Variants in TYW1B observed in about 807,000 individuals in gnomAD.
TYW1B encodes S-adenosyl-L-methionine-dependent tRNA 4-demethylwyosine synthase TYW1B.
Under a neutral mutation model 86.9 loss-of-function variants are expected in TYW1B, and 73 were observed. That is an observed-to-expected ratio of 0.84 (90% CI 0.70 to 1.02). The LOEUF (loss-of-function observed/expected upper bound fraction) is 1.02, where lower values mean the gene tolerates loss of function less well. Ranked by LOEUF, TYW1B falls within the 50% of genes least tolerant of loss-of-function variation. The probability of loss-of-function intolerance (pLI) is 0.00; values close to 1 mark genes in which losing one functional copy is unlikely to be tolerated. For missense variants in TYW1B, 637 were observed against 827.4 expected, an observed-to-expected ratio of 0.77 and a Z score of 2.82; for synonymous variants, 248 against 292.8, an observed-to-expected ratio of 0.85 and a Z score of 1.56.
At chr7:72,681,282 C>G (rs1310176014) in intron 11 of TYW1B, among the ~76,000 whole-genome samples, 1 of 152,242 alleles carries the variant, frequency 6.6e-6, no homozygotes, top group Non-Finnish European at 1.5e-5. Flanking sequence ...ATGTGTCAGT[C>G]ACCGTGTTAA....
intron 8 of TYW1B, among the ~76,000 whole-genome samples, chr7:72,734,268 A>AAAAAAAAAAAAAAAG (rs56806378): frequency 1.0e-5 from 1 of 98,092 alleles, no homozygotes; most frequent in Admixed American, 1.2e-4. Context: ...AAAAAAAAAA[A>AAAAAAAAAAAAAAAG]ACACAACAAA....
intron 12 of TYW1B, among the ~76,000 whole-genome samples, chr7:72,619,289 C>T (rs1291701551): frequency 2.0e-5 from 3 of 152,162 alleles, no homozygotes; most frequent in Non-Finnish European, 4.4e-5. Flanking sequence ...CAGTGAGCCC[C>T]TTTTGCTCAG....
intron 7 of TYW1B, among the ~76,000 whole-genome samples, chr7:72,756,579 A>C (rs1444740479): frequency 6.6e-6 from 1 of 152,044 alleles, no homozygotes; most frequent in Non-Finnish European, 1.5e-5. Flanking sequence ...AAAGAGACTG[A>C]GTTTTGTATG....
intron 9 of TYW1B, among the ~76,000 whole-genome samples, chr7:72,725,185 A>G (rs1433549078): frequency 1.3e-5 from 2 of 152,204 alleles, no homozygotes; most frequent in Non-Finnish European, 2.9e-5. Context: ...TATTCATTAC[A>G]TATTTCCATT....
intron 6 of TYW1B, among the ~76,000 whole-genome samples, chr7:72,799,548 C>T (rs1554475245): frequency 6.6e-6 from 1 of 151,738 alleles, no homozygotes; most frequent in Non-Finnish European, 1.5e-5. Context: ...TCACTACAAG[C>T]TCTGCCTCCC....
At chr7:72,706,728 A>T (rs1176979232) in intron 10 of TYW1B, among the ~76,000 whole-genome samples, 1 of 152,198 alleles carries the variant, frequency 6.6e-6, no homozygotes, top group Non-Finnish European at 1.5e-5. Flanking sequence ...AGTGTGGGAA[A>T]CTGAAAACCA....
intron 7 of TYW1B, among the ~76,000 whole-genome samples, chr7:72,772,218 A>T (rs1416764858): frequency 2.0e-5 from 3 of 152,052 alleles, no homozygotes; most frequent in African/African-American, 7.2e-5. Context: ...CAGATCTCAT[A>T]GGTAAAAACT....
chr7:72,825,269 C>A (rs2867755), intron 2 of TYW1B, among the ~76,000 whole-genome samples: 4 of 152,244 alleles, frequency 2.6e-5, no homozygotes, highest in East Asian at 3.9e-4. Context: ...CTGTTCCCCC[C>A]CAAAAAAGAG....
intron 11 of TYW1B, among the ~76,000 whole-genome samples, chr7:72,668,512 G>C (rs1352425927): frequency 6.6e-6 from 1 of 151,536 alleles, no homozygotes; most frequent in African/African-American, 2.4e-5. Context: ...TGAAGGCCGA[G>C]AAAACTCCTT....
chr7:72,748,369 G>C (rs1371156231), intron 7 of TYW1B, among the ~76,000 whole-genome samples: 2 of 152,076 alleles, frequency 1.3e-5, no homozygotes, highest in Non-Finnish European at 2.9e-5. Flanking sequence ...TCATTTCCTT[G>C]AGATTTTCTA....
intron 11 of TYW1B, among the ~76,000 whole-genome samples, chr7:72,686,543 G>A (rs1166574990): frequency 1.3e-5 from 2 of 152,174 alleles, no homozygotes; most frequent in Non-Finnish European, 2.9e-5. Context: ...ATGGTTGCCA[G>A]GGATGAGGGA....
intron 7 of TYW1B, among the ~76,000 whole-genome samples, chr7:72,754,253 C>T (rs1216911087): frequency 2.6e-5 from 4 of 152,026 alleles, no homozygotes; most frequent in African/African-American, 4.8e-5. Context: ...AATTCTTCTG[C>T]CTCAGCCTCC....
intron 11 of TYW1B, among the ~76,000 whole-genome samples, chr7:72,630,766 G>A (rs533080122): frequency 6.6e-6 from 1 of 151,804 alleles, no homozygotes; most frequent in Non-Finnish European, 1.5e-5. Context: ...AAATCTTCCA[G>A]ATTCCCTTTA....
chr7:72,611,243 G>A (rs1431753414), intron 13 of TYW1B, among the ~76,000 whole-genome samples: 1 of 152,088 alleles, frequency 6.6e-6, no homozygotes, highest in Non-Finnish European at 1.5e-5. Context: ...TCATAGCTCT[G>A]ATTACACTTC....
chr7:72,598,557 T>C (rs1811587671), intron 13 of TYW1B, among the ~76,000 whole-genome samples: 1 of 152,194 alleles, frequency 6.6e-6, no homozygotes, highest in South Asian at 2.1e-4. Flanking sequence ...AGCAGGTTTA[T>C]GTAGAAGAAG....
chr7:72,757,355 G>A lies in TYW1B; in HGVS notation c.965-12754C>T, dbSNP rs150931350. On this transcript the variant is annotated intron_variant, in intron 7 of 13. Transcript: ENST00000620995. Reference sequence around the variant, plus strand: ...TGCACTACAGCCTGGGTGACAGAGCGAGACTCCGTCTATGGAAAAAAAAAA... The same window carrying A: ...TGCACTACAGCCTGGGTGACAGAGCAAGACTCCGTCTATGGAAAAAAAAAA... Among the ~76,000 whole-genome samples the A allele has an allele frequency of 1.7e-3, 232 of 138,872 alleles. 1 individual carries two copies. The highest frequency in any genetic ancestry group is 5.6e-3 in the African/African-American group (210 of 37,752). 91.1% of individuals were successfully genotyped at this position (138,872 alleles called of 152,430 possible). A position where few individuals can be genotyped will look rare whatever the true frequency, so the allele number is the denominator to read the frequency against.
At position 72,810,354 on chromosome 7, in the gene TYW1B, A is replaced by G. The variant is rs1788581925; in HGVS notation, c.432+117T>C. The G allele has an allele frequency of 2.9e-5, 29 of 997,750 alleles. 2 individuals are homozygous for G. The South Asian group carries it at 5.4e-4, about 19-fold the overall frequency. The allele number at this position is 997,750 out of a possible 1,614,324, so 61.8% of individuals were successfully genotyped here. Reference sequence around the variant, plus strand: ...AAAGTTTGTGGATTATTTCACATACATGTGTGTTTATGTGTGTGTACGTGT... The same window carrying G: ...AAAGTTTGTGGATTATTTCACATACGTGTGTGTTTATGTGTGTGTACGTGT... On this transcript the variant is annotated intron_variant, in intron 4 of 13. Transcript: ENST00000620995.
chr7:72,769,067 G>T (rs1585970013), intron 7 of TYW1B: 1 of 377,790 alleles, frequency 2.6e-6, no homozygotes, highest in Non-Finnish European at 5.1e-6. Context: ...ATGGTGCAAG[G>T]AACACGGAGG....
intron 12 of TYW1B, among the ~76,000 whole-genome samples, chr7:72,618,285 C>T (rs1196022332): frequency 1.5e-5 from 2 of 132,772 alleles, no homozygotes; most frequent in African/African-American, 5.8e-5. Flanking sequence ...GGCCTGATCT[C>T]GGCTCACTGC....
Sources: allele counts gnomAD v4.1 joint callset (sites outside exome capture counted in the v4.1 genomes callset), GRCh38; gene constraint gnomAD v4.1.1; transcripts MANE v1.5; gene names NCBI Gene and HGNC (gene_info 2026-07-23, HGNC 2026-07-21).